VSIG1: variants seen among roughly 807,000 people sequenced by gnomAD.
VSIG1 encodes V-set and immunoglobulin domain containing 1, also known as V-set and immunoglobulin domain-containing protein 1.
In VSIG1, 11 loss-of-function variants were observed where a neutral mutation model predicts 20.1. That is an observed-to-expected ratio of 0.55 (90% CI 0.34 to 0.91). The LOEUF (loss-of-function observed/expected upper bound fraction) is 0.91. Among genes scored for constraint, VSIG1 ranks in the 40% least tolerant of loss-of-function variants. The probability of loss-of-function intolerance (pLI) is 0.02; values close to 1 mark genes in which losing one functional copy is unlikely to be tolerated. For synonymous variants in VSIG1, 126 were observed against 116.7 expected, an observed-to-expected ratio of 1.08 and a Z score of -0.52; for missense variants, 283 against 298.8, an observed-to-expected ratio of 0.95 and a Z score of 0.39.
intron 1 of VSIG1, among the ~76,000 whole-genome samples, chrX:108,057,381 GCA>G (rs990968114): frequency 1.3e-3 from 148 of 112,003 alleles, no homozygotes; most frequent in African/African-American, 4.4e-3. Flanking sequence ...ATGTGCATGT[GCA>G]CACACACAGC....
chrX:108,045,342 C>G (rs1399790670), intron 1 of VSIG1, among the ~76,000 whole-genome samples, 163 bp downstream of exon 1: 1 of 112,052 alleles, frequency 8.9e-6, no homozygotes, highest in African/African-American at 3.2e-5. Flanking sequence ...CAAACATATG[C>G]CATGCTGATA....
At chrX:108,075,076 A>G (rs919234315) in intron 5 of VSIG1, among the ~76,000 whole-genome samples, 1 of 112,221 alleles carries the variant, frequency 8.9e-6, no homozygotes, top group East Asian at 2.8e-4. Flanking sequence ...AACAATATTT[A>G]TATAGCCATA....
the VSIG1 span, among the ~76,000 whole-genome samples, chrX:108,022,084 A>T: frequency 5.4e-5 from 6 of 111,901 alleles, no homozygotes; most frequent in East Asian, 1.7e-3. Context: ...CGATTTCTCT[A>T]AAAAAGGCAG....
the VSIG1 span, among the ~76,000 whole-genome samples, chrX:108,028,555 A>G: frequency 2.7e-5 from 3 of 111,192 alleles, no homozygotes; most frequent in Non-Finnish European, 5.7e-5. Flanking sequence ...TGCAATGTGA[A>G]TGCAATGAAT....
intron 5 of VSIG1, 49 bp from the exon 6 acceptor site, chrX:108,076,028 A>T: frequency 8.4e-7 from 1 of 1,197,165 alleles, no homozygotes; most frequent in Non-Finnish European, 1.1e-6. Context: ...CACACATTAT[A>T]AAATGACAAT....
intron 2 of VSIG1, among the ~76,000 whole-genome samples, chrX:108,064,979 C>T (rs968509306): frequency 5.4e-5 from 6 of 111,647 alleles, no homozygotes; most frequent in Non-Finnish European, 1.1e-4. Flanking sequence ...TCAAACAAGA[C>T]CATTCTGGGG....
At chrX:108,056,305 C>A (rs1157212294) in intron 1 of VSIG1, among the ~76,000 whole-genome samples, 2 of 111,870 alleles carry the variant, frequency 1.8e-5, no homozygotes, top group Admixed American at 9.5e-5. Flanking sequence ...TAACCTACAG[C>A]CAACATTATA....
At chrX:108,039,276 G>A in the VSIG1 span, among the ~76,000 whole-genome samples, 4 of 112,044 alleles carry the variant, frequency 3.6e-5, no homozygotes, top group Non-Finnish European at 7.5e-5. Context: ...TCCAATTCCC[G>A]GATTCAAGCG....
At position 108,077,245 on chromosome X, in the gene VSIG1, A is replaced by C. The variant is rs375367987; in HGVS notation, c.1028A>C (p.Asp343Ala). 2.5e-6 allele frequency: 3 copies of C among 1,211,773 alleles called. No homozygotes were observed. The highest frequency in any genetic ancestry group is 3.3e-6 in the Non-Finnish European group (3 of 895,543). ...GGATCAGAGCCTATGGCAGTGCCTGACCTTGACATCGAGCTGGAGCTGGAG... is the reference window on the plus strand; with the variant it reads ...GGATCAGAGCCTATGGCAGTGCCTGCCCTTGACATCGAGCTGGAGCTGGAG... ...APGSEPMAVPDLDIELELEPE... is the reference protein window; with the variant it reads ...APGSEPMAVPALDIELELEPE... The change falls in exon 7 of 7, where the codon GAC becomes GCC. Residue 343 changes from aspartate to alanine, a missense_variant. Transcript: ENST00000217957.
intron 1 of VSIG1, among the ~76,000 whole-genome samples, chrX:108,049,593 C>A (rs2030742125): frequency 8.9e-6 from 1 of 111,948 alleles, no homozygotes. Context: ...TTTGCCTTAT[C>A]TGTTCATAAA....
the VSIG1 span, among the ~76,000 whole-genome samples, chrX:108,022,345 G>A: frequency 9.0e-6 from 1 of 111,373 alleles, no homozygotes; most frequent in Non-Finnish European, 1.9e-5. Context: ...TTTATTTTTA[G>A]GCTTTTCATT....
upstream of VSIG1, among the ~76,000 whole-genome samples, chrX:108,043,238 C>A (rs1316754279): frequency 8.9e-6 from 1 of 112,072 alleles, no homozygotes; most frequent in African/African-American, 3.2e-5. Context: ...CTTATACGGC[C>A]CAGTACGCAG....
the VSIG1 span, among the ~76,000 whole-genome samples, chrX:108,020,775 A>G: frequency 1.8e-5 from 2 of 111,594 alleles, no homozygotes; most frequent in African/African-American, 6.5e-5. Flanking sequence ...CTGGTACTCA[A>G]TCAGGGTGCC....
At chrX:108,055,232 G>A (rs763744257) in intron 1 of VSIG1, among the ~76,000 whole-genome samples, 2 of 111,198 alleles carry the variant, frequency 1.8e-5, no homozygotes, top group Admixed American at 9.6e-5. Flanking sequence ...TTTATCCAAA[G>A]CAGCAAACTA....
At chrX:108,047,747 C>A in intron 1 of VSIG1, among the ~76,000 whole-genome samples, 1 of 90,554 alleles carries the variant, frequency 1.1e-5, no homozygotes. Context: ...GAACAATCAC[C>A]ACCAAAATAC....
chrX:108,067,845 C>T (rs1177862107), intron 3 of VSIG1, among the ~76,000 whole-genome samples: 1 of 111,982 alleles, frequency 8.9e-6, no homozygotes, highest in Non-Finnish European at 1.9e-5. Flanking sequence ...ACAATGTGGG[C>T]TAAACTTCCA....
rs189172343 is a variant in VSIG1, at chrX:108,054,747, T to A, written c.50-3291T>A. On this transcript the variant is annotated intron_variant, in intron 1 of 6. Transcript: ENST00000217957. The stretch of plus-strand genomic sequence containing the variant: ...GAGGAAATCTCAAAAGGAATTTTTT[T>A]AAAAATGCGTAGAACTGAATGCAAA... Among the ~76,000 whole-genome samples the A allele has an allele frequency of 7.9e-4, 87 of 110,285 alleles. 3 individuals are homozygous for A. In the East Asian group the frequency reaches 0.022, roughly 27 times the overall value.
At chrX:108,041,963 T>C (rs1466504393), upstream of VSIG1, among the ~76,000 whole-genome samples, 1 of 110,642 alleles carries the variant, frequency 9.0e-6, no homozygotes, top group Non-Finnish European at 1.9e-5. Flanking sequence ...ATATAGAAAA[T>C]GTAGGTATAC....
At position 108,077,947 on chromosome X, in the gene VSIG1, T is replaced by C. The variant is rs2147938355; in HGVS notation, c.*566T>C. On this transcript the variant is annotated 3_prime_UTR_variant, in exon 7 of 7. Transcript: ENST00000217957. ...TGGTCTCCATCTCCTGACCTCATGA[T>C]CCGCCCACCTTGGCCTCCCAAAATG... The C allele has an allele frequency of 8.9e-6, 1 of 111,903 alleles. No individual in the cohort carries two copies. Among genetic ancestry groups the C allele is most frequent in the Non-Finnish European group, 1.9e-5 (1 of 53,322 alleles). 9.2% of individuals were successfully genotyped at this position (111,903 alleles called of 1,213,427 possible).
Sources: allele counts gnomAD v4.1 joint callset (sites outside exome capture counted in the v4.1 genomes callset), GRCh38; gene constraint gnomAD v4.1.1; transcripts MANE v1.5; gene names NCBI Gene and HGNC (gene_info 2026-07-23, HGNC 2026-07-21).